CACHD1: variants seen among roughly 807,000 people sequenced by gnomAD.
CACHD1 encodes the protein VWFA and cache domain-containing protein 1.
In CACHD1, 71 loss-of-function variants were observed where a neutral mutation model predicts 138.7. The observed-to-expected ratio is 0.51, with a 90% CI of 0.42 to 0.62. The LOEUF is 0.62. Among genes scored for constraint, CACHD1 ranks in the 20% least tolerant of loss-of-function variants. The pLI is 0.00. For missense variants in CACHD1, 1,389 were observed against 1,625.3 expected (o/e 0.85, Z 2.50); for synonymous variants, 578 against 591.5 (o/e 0.98, Z 0.33).
rs1252552295 is a variant in CACHD1 at position 64,634,250 on chromosome 1, G to C, written c.996G>C (p.Lys332Asn). 3 of 1,613,684 alleles carry C rather than the reference G, an allele frequency of 1.9e-6. No homozygotes were observed. In the African/African-American group the frequency reaches 4.0e-5, roughly 22 times the overall value. Residue 332 changes from lysine to asparagine, a missense_variant, in exon 7 of 27, where the codon AAG becomes AAC. By Grantham distance (94) the Lys-to-Asn change is moderately conservative. Around this residue, in one of 5 missense-constraint regions of CACHD1, gnomAD observed 1,000 missense variants for 1,114.7 expected, o/e 0.90. Coordinates refer to ENST00000651257, the MANE Select transcript of CACHD1 (RefSeq NM_020925.4). ...TTCGAAGTACAAACAATAACACAAA[G>C]TTCCAAGCAAGTGAGTGCGTTCTCT... ...QLIRSTNNNT[K>N]FQANTDMVII...
chr1:64,551,031 C>T (rs1054617706), intron 2 of CACHD1, among the ~76,000 whole-genome samples: 32 of 151,996 alleles, frequency 2.1e-4, no homozygotes, highest in Non-Finnish European at 1.5e-4. Flanking sequence ...ATTTTGTAGC[C>T]CCAGTAAGCA....
At chr1:64,686,634 C>T (rs1260654172) in intron 26 of CACHD1, among the ~76,000 whole-genome samples, 4 of 152,158 alleles carry the variant, frequency 2.6e-5, no homozygotes, top group Non-Finnish European at 5.9e-5. Flanking sequence ...ATATCATGTT[C>T]TGTCCAATCA....
At chr1:64,645,860 A>T (rs1011630984) in intron 8 of CACHD1, among the ~76,000 whole-genome samples, 1 of 152,136 alleles carries the variant, frequency 6.6e-6, no homozygotes, top group Non-Finnish European at 1.5e-5. Flanking sequence ...GTCTCTGACC[A>T]CTTCTTACTG....
rs77612055 is a variant in CACHD1, at chr1:64,600,485, C to T, written c.411-2321C>T. Among the ~76,000 whole-genome samples, 378 of 152,296 alleles carry T rather than the reference C, an allele frequency of 2.5e-3. 6 individuals carry two copies. Among genetic ancestry groups the T allele is most frequent in the East Asian group, 0.018 (94 of 5,172 alleles). Reference sequence around the variant, plus strand: ...AACCATTCGACTGAGTCATGGTCCTCACTTGCCAAGATTTCTTGGAGCCTT... The same window carrying T: ...AACCATTCGACTGAGTCATGGTCCTTACTTGCCAAGATTTCTTGGAGCCTT... On this transcript the variant is annotated intron_variant, in intron 3 of 26. Transcript: ENST00000651257.
intron 6 of CACHD1, 90 bp from the exon 7 acceptor site, chr1:64,633,954 C>T: frequency 1.1e-6 from 1 of 948,776 alleles, no homozygotes; most frequent in Non-Finnish European, 1.6e-6. Context: ...GGCCTTCTTA[C>T]TCCTTGGCCT....
At chr1:64,585,145 G>A (rs1171948285) in intron 3 of CACHD1, among the ~76,000 whole-genome samples, 1 of 152,158 alleles carries the variant, frequency 6.6e-6, no homozygotes, top group African/African-American at 2.4e-5. Flanking sequence ...TATATGAGAT[G>A]GTAAGATGCA....
intron 1 of CACHD1, among the ~76,000 whole-genome samples, chr1:64,522,400 T>C (rs980504232): frequency 1.3e-5 from 2 of 151,990 alleles, no homozygotes; most frequent in Admixed American, 6.6e-5. Context: ...CTCTGCCTCC[T>C]GGGTTCAAGC....
rs1647407212 is a variant in CACHD1 at position 64,608,430 on chromosome 1, C to T, written c.517+5518C>T. ...CATCTGCAAGATGTCCAGCCTTAGG[C>T]TCTTTCATACTGTATATAATTCATC... is the stretch of plus-strand genomic sequence containing the variant. On this transcript the variant is annotated intron_variant, in intron 4 of 26. Coordinates refer to ENST00000651257, the MANE Select transcript of CACHD1 (RefSeq NM_020925.4). 2.0e-5 allele frequency among the ~76,000 whole-genome samples: 3 copies of T among 152,284 alleles called. No homozygotes were observed. The South Asian group carries it at 6.2e-4, about 32-fold the overall frequency.
chr1:64,686,715 A>G (rs1245702989), intron 26 of CACHD1, among the ~76,000 whole-genome samples: 3 of 152,260 alleles, frequency 2.0e-5, no homozygotes. Flanking sequence ...TATTTTGGTT[A>G]CTATCTCATC....
chr1:64,678,359 C>T (rs1439845900), intron 23 of CACHD1, 49 bp downstream of exon 23: 75 of 1,494,958 alleles, frequency 5.0e-5, no homozygotes, highest in Non-Finnish European at 6.6e-5. Context: ...TATACAATTT[C>T]CTGCCTATAT....
chr1:64,677,318 A>G (rs529260774), intron 22 of CACHD1, among the ~76,000 whole-genome samples: 8 of 152,296 alleles, frequency 5.3e-5, no homozygotes, highest in Admixed American at 1.3e-4. Flanking sequence ...CCAGTGGTCA[A>G]GGCTCTAGGT....
At chr1:64,634,717 AG>A (rs1334229787) in intron 7 of CACHD1, among the ~76,000 whole-genome samples, 4 of 152,052 alleles carry the variant, frequency 2.6e-5, no homozygotes, top group Non-Finnish European at 5.9e-5. Context: ...ATTGGGGGCG[AG>A]GTGCGGTGGC....
chr1:64,554,795 A>G (rs1646784410), intron 2 of CACHD1, among the ~76,000 whole-genome samples: 1 of 152,202 alleles, frequency 6.6e-6, no homozygotes, highest in Non-Finnish European at 1.5e-5. Context: ...TATTAGGGCA[A>G]GTAGAGTAGC....
At chr1:64,521,545 C>T (rs1470755247) in intron 1 of CACHD1, among the ~76,000 whole-genome samples, 1 of 152,156 alleles carries the variant, frequency 6.6e-6, no homozygotes, top group Non-Finnish European at 1.5e-5. Flanking sequence ...CATATCATTA[C>T]TTGATTCTTA....
chr1:64,574,192 G>T (rs2100518278), intron 2 of CACHD1, among the ~76,000 whole-genome samples: 1 of 152,238 alleles, frequency 6.6e-6, no homozygotes, highest in Admixed American at 6.5e-5. Flanking sequence ...TAGAAGAAAA[G>T]GTCTTTTTGT....
intron 1 of CACHD1, among the ~76,000 whole-genome samples, chr1:64,471,262 T>G (rs932101312): frequency 1.3e-5 from 2 of 152,204 alleles, no homozygotes; most frequent in Non-Finnish European, 2.9e-5. Context: ...CTCGCACGTC[T>G]TCTCTAATTT....
At chr1:64,666,272 A>T in intron 16 of CACHD1, 105 bp downstream of exon 16, 1 of 611,964 alleles carries the variant, frequency 1.6e-6, no homozygotes, top group East Asian at 3.0e-5. Flanking sequence ...CAGAAGCATG[A>T]CCTTTAAAGT....
intron 8 of CACHD1, among the ~76,000 whole-genome samples, chr1:64,645,764 A>G (rs1165202483): frequency 1.3e-5 from 2 of 152,136 alleles, no homozygotes. Flanking sequence ...TGGGGTTGCT[A>G]TCAGTGAGCA....
At position 64,692,177 on chromosome 1, in the gene CACHD1, CA is replaced by C. The variant is rs1039051136; in HGVS notation, c.*617del. 2.0e-5 allele frequency: 3 copies of C among 153,784 alleles called. No homozygotes were observed. Among genetic ancestry groups the C allele is most frequent in the Non-Finnish European group, 4.4e-5 (3 of 68,850 alleles). 9.5% of individuals were successfully genotyped at this position (153,784 alleles called of 1,614,324 possible). ...AAGGAAACACAGGAGAAGTTTTCAGCAGTTGCCCCGAGCTGTTTTGTGTGTA... is the reference window on the plus strand; with the variant it reads ...AAGGAAACACAGGAGAAGTTTTCAGCGTTGCCCCGAGCTGTTTTGTGTGTA... On this transcript the variant is annotated 3_prime_UTR_variant, in exon 27 of 27. Coordinates refer to ENST00000651257, the MANE Select transcript of CACHD1 (RefSeq NM_020925.4).
Sources: gnomAD v4.1 joint callset for allele counts (sites outside exome capture counted in the v4.1 genomes callset) on GRCh38, gnomAD v4.1.1 for gene constraint, gnomAD v4.1.1 regional missense constraint, MANE v1.5 for transcripts, NCBI Gene and HGNC (gene_info 2026-07-23, HGNC 2026-07-21) for gene names.